The following NRXN3 variants were observed in gnomAD, a reference collection of about 807,000 sequenced individuals.
NRXN3 encodes the protein neurexin III.
Under a neutral mutation model 137.6 loss-of-function variants are expected in NRXN3, and 32 were observed. The observed-to-expected ratio is 0.23, with a 90% CI of 0.18 to 0.31. The LOEUF is 0.31. Among genes scored for constraint, NRXN3 ranks in the 10% least tolerant of loss-of-function variants. The pLI is 1.00. For missense variants in NRXN3, 1,574 were observed against 2,062.5 expected, an observed-to-expected ratio of 0.76 and a Z score of 4.59; for synonymous variants, 798 against 784.5, an observed-to-expected ratio of 1.02 and a Z score of -0.29.
At chr14:78,456,799 C>CTCTTTCTCTCTT (rs1555539844) in intron 4 of NRXN3, among the ~76,000 whole-genome samples, 9 of 97,688 alleles carry the variant, frequency 9.2e-5, no homozygotes, top group East Asian at 9.1e-4. Flanking sequence ...CTCTCTTTCT[C>CTCTTTCTCTCTT]TCTTTCTTTC....
chr14:78,935,102 C>A (rs1473059628), intron 10 of NRXN3, among the ~76,000 whole-genome samples: 1 of 152,120 alleles, frequency 6.6e-6, no homozygotes, highest in African/African-American at 2.4e-5. Context: ...TTAGAGGCTG[C>A]AGTGCCTTAT....
chr14:79,544,178 G>A (rs775661828), intron 16 of NRXN3, among the ~76,000 whole-genome samples: 1 of 152,240 alleles, frequency 6.6e-6, no homozygotes, highest in Non-Finnish European at 1.5e-5. Flanking sequence ...CTGAGCTTTC[G>A]ATTCTGTCAG....
intron 15 of NRXN3, among the ~76,000 whole-genome samples, chr14:79,237,343 C>T (rs1192542138): frequency 2.6e-5 from 4 of 152,062 alleles, no homozygotes; most frequent in Admixed American, 6.5e-5. Context: ...GCAGATTTGG[C>T]GGTACAGGGG....
intron 19 of NRXN3, among the ~76,000 whole-genome samples, chr14:79,738,971 G>A (rs2098951517): frequency 6.6e-6 from 1 of 152,212 alleles, no homozygotes; most frequent in Non-Finnish European, 1.5e-5. Context: ...AGTACATAAA[G>A]TGGAAATAAA....
At chr14:78,869,692 T>A (rs2099096665) in intron 10 of NRXN3, among the ~76,000 whole-genome samples, 1 of 152,232 alleles carries the variant, frequency 6.6e-6, no homozygotes, top group Non-Finnish European at 1.5e-5. Flanking sequence ...TCCAGTTTGA[T>A]GTTGCAGCTC....
intron 10 of NRXN3, among the ~76,000 whole-genome samples, chr14:78,936,049 A>T (rs2099337481): frequency 6.6e-6 from 1 of 151,978 alleles, no homozygotes; most frequent in Admixed American, 6.6e-5. Context: ...TTTTAAATTC[A>T]CCTTTCCCAA....
intron 6 of NRXN3, among the ~76,000 whole-genome samples, chr14:78,703,207 A>G (rs893413844): frequency 3.3e-5 from 5 of 152,246 alleles, no homozygotes; most frequent in African/African-American, 1.2e-4. Flanking sequence ...TCTATTGAAA[A>G]GACAAGACTT....
At chr14:78,797,578 T>C (rs1039921179) in intron 8 of NRXN3, among the ~76,000 whole-genome samples, 17 of 152,276 alleles carry the variant, frequency 1.1e-4, no homozygotes, top group African/African-American at 3.9e-4. Flanking sequence ...TATCTTCCAA[T>C]AGAAATTTTA....
intron 1 of NRXN3, among the ~76,000 whole-genome samples, chr14:78,195,852 A>G (rs952500978): frequency 4.6e-5 from 7 of 152,214 alleles, no homozygotes; most frequent in Admixed American, 1.3e-4. Context: ...GCTGGGCTCC[A>G]TTGTAACCAA....
rs75730173 is a variant in NRXN3, at chr14:78,502,698, A to C, written c.758-142422A>C. Among the ~76,000 whole-genome samples, 899 of 152,300 alleles carry C rather than the reference A, an allele frequency of 5.9e-3. 5 individuals are homozygous for C. Among genetic ancestry groups the C allele is most frequent in the African/African-American group, 0.02 (829 of 41,574 alleles). On this transcript the variant is annotated intron_variant, in intron 4 of 20. Transcript: ENST00000335750. The stretch of plus-strand genomic sequence containing the variant: ...ATTTTACCTTAGCTACTTTGATATG[A>C]TATTAGCTGCTTAGGGCAATTGCAA...
chr14:79,360,291 A>G (rs1001630197), intron 15 of NRXN3, among the ~76,000 whole-genome samples: 2 of 152,242 alleles, frequency 1.3e-5, no homozygotes, highest in African/African-American at 4.8e-5. Context: ...ATATGAGGAT[A>G]AGGCAGAGGG....
chr14:78,948,121 C>A (rs1178571641), intron 10 of NRXN3, among the ~76,000 whole-genome samples: 3 of 152,264 alleles, frequency 2.0e-5, no homozygotes, highest in East Asian at 1.9e-4. Context: ...GATAGTTTTT[C>A]TGGAGTGGTC....
At chr14:78,433,458 T>A (rs992649514) in intron 4 of NRXN3, among the ~76,000 whole-genome samples, 9 of 152,130 alleles carry the variant, frequency 5.9e-5, no homozygotes, top group African/African-American at 2.2e-4. Context: ...TGTGTTTGAA[T>A]GTGTCCCCCA....
chr14:78,504,604 T>G (rs2095946187), intron 4 of NRXN3, among the ~76,000 whole-genome samples: 1 of 152,146 alleles, frequency 6.6e-6, no homozygotes. Context: ...CTGATAAAGG[T>G]AGCCCTCAAA....
chr14:79,689,975 A>G (rs1258517614), intron 17 of NRXN3, among the ~76,000 whole-genome samples: 5 of 152,190 alleles, frequency 3.3e-5, no homozygotes, highest in African/African-American at 7.2e-5. Context: ...GACTACACCA[A>G]TCTATTCCGT....
chr14:79,039,868 T>TTGTG (rs933185419), intron 15 of NRXN3, among the ~76,000 whole-genome samples: 1 of 152,034 alleles, frequency 6.6e-6, no homozygotes, highest in African/African-American at 2.4e-5. Context: ...AATATATATT[T>TTGTG]TGTGTGTGTA....
intron 15 of NRXN3, among the ~76,000 whole-genome samples, chr14:79,276,465 C>T (rs1401583884): frequency 1.3e-5 from 2 of 152,062 alleles, no homozygotes; most frequent in African/African-American, 4.8e-5. Context: ...ATGGAATCAG[C>T]CTTACCAAAA....
intron 10 of NRXN3, among the ~76,000 whole-genome samples, chr14:78,901,964 A>G (rs889849335): frequency 6.6e-6 from 1 of 152,002 alleles, no homozygotes; most frequent in East Asian, 1.9e-4. Flanking sequence ...CTTGAAACCT[A>G]TTTGAAGGTT....
intron 2 of NRXN3, among the ~76,000 whole-genome samples, chr14:78,252,548 C>T (rs2068800611): frequency 1.3e-5 from 2 of 152,126 alleles, no homozygotes; most frequent in Admixed American, 1.3e-4. Context: ...GCTATTCATC[C>T]GATCCTCTCC....
Sources: gnomAD v4.1 joint callset for allele counts (sites outside exome capture counted in the v4.1 genomes callset) on GRCh38, gnomAD v4.1.1 for gene constraint, MANE v1.5 for transcripts, NCBI Gene and HGNC (gene_info 2026-07-23, HGNC 2026-07-21) for gene names.